Variants in SEC23IP observed in about 807,000 individuals in gnomAD.
SEC23IP encodes the protein SEC23 interacting protein.
In SEC23IP, 70 loss-of-function variants were observed where a neutral mutation model predicts 113.4. The ratio of observed to expected loss-of-function variants is 0.62; its 90% CI spans 0.51 to 0.75. The LOEUF (loss-of-function observed/expected upper bound fraction) is 0.75. Ranked by LOEUF, SEC23IP falls within the 30% of genes least tolerant of loss-of-function variation. The pLI, the probability that SEC23IP is intolerant of heterozygous loss-of-function variation, is 0.00. For missense variants in SEC23IP, 1,160 were observed against 1,204.9 expected, an observed-to-expected ratio of 0.96 and a Z score of 0.55; for synonymous variants, 398 against 421.0, an observed-to-expected ratio of 0.95 and a Z score of 0.67.
At chr10:119,894,511 G>A (rs575200789) in intron 1 of SEC23IP, among the ~76,000 whole-genome samples, 1 of 152,272 alleles carries the variant, frequency 6.6e-6, no homozygotes, top group East Asian at 1.9e-4. Context: ...TTTTATTCAC[G>A]ATTATATTCC....
chr10:119,908,080 A>AT (rs1854737651), intron 4 of SEC23IP, among the ~76,000 whole-genome samples: 1 of 152,244 alleles, frequency 6.6e-6, no homozygotes, highest in Admixed American at 6.5e-5. Context: ...TGCAAAAATA[A>AT]TGCTATTTTA....
At chr10:119,893,815 T>C (rs1854183936) in intron 1 of SEC23IP, among the ~76,000 whole-genome samples, 1 of 152,014 alleles carries the variant, frequency 6.6e-6, no homozygotes. Context: ...CCCCCACCCA[T>C]TCCTCATCTT....
Position 119,936,327 on chromosome 10 carries a change from C to T in SEC23IP, c.*20+2540C>T, listed in dbSNP as rs117906355. Among the ~76,000 whole-genome samples, 15 of 152,008 alleles carry T rather than the reference C, an allele frequency of 9.9e-5. 1 individual carries two copies. The East Asian group carries it at 1.4e-3, about 14-fold the overall frequency. ...GTAATCCCAGTTTGAGAGGCCGAGG[C>T]GGGCAGATCACTTGAGGTCAGGAGT... On this transcript the variant is annotated intron_variant, in intron 18 of 18. Coordinates refer to ENST00000369075, the MANE Select transcript of SEC23IP (RefSeq NM_007190.4).
At chr10:119,930,480 G>T (rs371492121) in intron 15 of SEC23IP, 49 bp downstream of exon 15, 1 of 1,098,142 alleles carries the variant, frequency 9.1e-7, no homozygotes, top group South Asian at 1.3e-5. Context: ...TTTGTAATCT[G>T]TAATGAATTA....
At chr10:119,901,886 C>A (rs982535109) in intron 2 of SEC23IP, among the ~76,000 whole-genome samples, 1 of 152,054 alleles carries the variant, frequency 6.6e-6, no homozygotes, top group Non-Finnish European at 1.5e-5. Context: ...AGGGTTTCAC[C>A]ATGTTGGCCC....
chr10:119,923,013 A>T (rs199828222), intron 12 of SEC23IP, among the ~76,000 whole-genome samples: 6 of 135,490 alleles, frequency 4.4e-5, no homozygotes, highest in Non-Finnish European at 9.9e-5. Flanking sequence ...AAAAAAAAAA[A>T]CAAAAAAAAC....
intron 15 of SEC23IP, among the ~76,000 whole-genome samples, chr10:119,931,064 C>T (rs372683339): frequency 6.6e-6 from 1 of 151,996 alleles, no homozygotes; most frequent in East Asian, 1.9e-4. Flanking sequence ...ATAAGGCATG[C>T]GTTTGATAAC....
At chr10:119,921,042 A>C (rs1335448047) in intron 12 of SEC23IP, 58 bp downstream of exon 12, 15 of 1,264,250 alleles carry the variant, frequency 1.2e-5, no homozygotes, top group Non-Finnish European at 1.6e-5. Context: ...CAGCTCGTTT[A>C]TATTATAGAA....
intron 1 of SEC23IP, among the ~76,000 whole-genome samples, chr10:119,895,601 C>T (rs774858662): frequency 2.0e-5 from 3 of 152,106 alleles, no homozygotes; most frequent in Admixed American, 6.5e-5. Context: ...CTGGCTGAGC[C>T]GGGGAATGGA....
intron 18 of SEC23IP, among the ~76,000 whole-genome samples, chr10:119,939,106 C>T (rs979580633): frequency 6.6e-6 from 1 of 151,366 alleles, no homozygotes; most frequent in East Asian, 2.0e-4. Context: ...CTCAGGAGTT[C>T]GAGACCAGCT....
In SEC23IP at chr10:119,921,244, GT is replaced by G. The variant is rs1855241430; in HGVS notation, c.2121+264del. ...TTCAGTTTTAAAATGGATATTTAAG[GT>G]TTTCCTGGTGCAAACAGTGGTTAAG... is the stretch of plus-strand genomic sequence containing the variant. On this transcript the variant is annotated intron_variant, in intron 12 of 18. Coordinates refer to ENST00000369075, the MANE Select transcript of SEC23IP (RefSeq NM_007190.4). Among the ~76,000 whole-genome samples the G allele has an allele frequency of 2.0e-5, 3 of 152,238 alleles. No homozygotes were observed. In the South Asian group the frequency reaches 6.2e-4, roughly 32 times the overall value.
intron 4 of SEC23IP, among the ~76,000 whole-genome samples, chr10:119,907,007 A>G (rs983747725): frequency 1.3e-5 from 2 of 151,824 alleles, no homozygotes; most frequent in Admixed American, 1.3e-4. Flanking sequence ...TCAGAAGTAC[A>G]AAAGACTAGG....
rs1314684567 is a variant in SEC23IP at position 119,941,668 on chromosome 10, A to AT, written c.*1109dup. 2.0e-5 allele frequency: 3 copies of AT among 152,662 alleles called. No homozygotes were observed. Among genetic ancestry groups the AT allele is most frequent in the Non-Finnish European group, 2.9e-5 (2 of 68,040 alleles). 9.5% of individuals were successfully genotyped at this position (152,662 alleles called of 1,614,324 possible). A position where few individuals can be genotyped will look rare whatever the true frequency, so the allele number is the denominator to read the frequency against. ...TTTTTGAAAGTGATATATGATACACATTTTTTGTGTATGTATTCTAATTAG... is the reference window on the plus strand; with the variant it reads ...TTTTTGAAAGTGATATATGATACACATTTTTTTGTGTATGTATTCTAATTAG... On this transcript the variant is annotated 3_prime_UTR_variant, in exon 19 of 19. Transcript: ENST00000369075.
rs965178572 is a variant in SEC23IP at position 119,943,614 on chromosome 10, T to C, written c.*3049T>C. 1 of 152,032 alleles carries C rather than the reference T, an allele frequency of 6.6e-6. No homozygotes were observed. The allele number at this position is 152,032 out of a possible 1,614,324, so 9.4% of individuals were successfully genotyped here. A position where few individuals can be genotyped will look rare whatever the true frequency, so the allele number is the denominator to read the frequency against. ...CAAAAAAAAATAAATGAATAAAAAATAAAACAGCAACTCTTGCAGATTTCC... is the reference window on the plus strand; with the variant it reads ...CAAAAAAAAATAAATGAATAAAAAACAAAACAGCAACTCTTGCAGATTTCC... On this transcript the variant is annotated 3_prime_UTR_variant, in exon 19 of 19. Transcript: ENST00000369075.
At chr10:119,893,665 G>A (rs1289569825) in intron 1 of SEC23IP, among the ~76,000 whole-genome samples, 1 of 151,742 alleles carries the variant, frequency 6.6e-6, no homozygotes, top group African/African-American at 2.4e-5. Flanking sequence ...GACTACAGGC[G>A]TCTGCCACCA....
chr10:119,913,063 T>C (rs1351837278), intron 6 of SEC23IP, among the ~76,000 whole-genome samples: 8 of 152,204 alleles, frequency 5.3e-5, no homozygotes, highest in Non-Finnish European at 4.4e-5. Flanking sequence ...AATTGACCCC[T>C]TTTTATCTTC....
rs568649592 is a variant in SEC23IP at position 119,914,587 on chromosome 10, G to A, written c.1313-143G>A. ...CAAATTGTTCCTCTAATTTGATAGGGGTAATGAGGCTTATTCTCTTTGAAG... is the reference window on the plus strand; with the variant it reads ...CAAATTGTTCCTCTAATTTGATAGGAGTAATGAGGCTTATTCTCTTTGAAG... On this transcript the variant is annotated intron_variant, in intron 6 of 18. Transcript: ENST00000369075. 89 of 668,676 alleles carry A rather than the reference G, an allele frequency of 1.3e-4. No individual in the cohort carries two copies. The Middle Eastern group carries it at 8.3e-3, about 62-fold the overall frequency. The allele number at this position is 668,676 out of a possible 1,614,324, so 41.4% of individuals were successfully genotyped here.
chr10:119,925,667 G>A (rs2134512792), intron 12 of SEC23IP, among the ~76,000 whole-genome samples: 1 of 152,074 alleles, frequency 6.6e-6, no homozygotes, highest in South Asian at 2.1e-4. Flanking sequence ...CTAGCCTCCT[G>A]AGTAGCTGGG....
At chr10:119,894,915 T>A (rs80008565) in intron 1 of SEC23IP, among the ~76,000 whole-genome samples, 33,072 of 151,386 alleles carry the variant, frequency 0.22, 5,285 homozygotes, top group African/African-American at 0.45. Flanking sequence ...TGTGTGTGTG[T>A]GTGTGTGTGT....
Sources: allele counts gnomAD v4.1 joint callset (sites outside exome capture counted in the v4.1 genomes callset), GRCh38; gene constraint gnomAD v4.1.1; transcripts MANE v1.5; gene names NCBI Gene and HGNC (gene_info 2026-07-23, HGNC 2026-07-21).